Variants in RBMS1 observed in about 807,000 individuals in gnomAD.
RBMS1 encodes the protein RNA binding motif single stranded interacting protein 1.
RBMS1 carries 17 observed loss-of-function variants against 62.3 expected under a neutral mutation model. The observed-to-expected ratio is 0.27, with a 90% CI of 0.19 to 0.41. RBMS1 has a LOEUF of 0.41. RBMS1 is among the 10% of genes least tolerant of loss of function. The pLI is 1.00. For missense variants in RBMS1, 334 were observed against 504.5 expected, an observed-to-expected ratio of 0.66 and a Z score of 3.24; for synonymous variants, 172 against 170.0, an observed-to-expected ratio of 1.01 and a Z score of -0.09.
At chr2:160,446,838 G>T (rs1196462405) in intron 1 of RBMS1, among the ~76,000 whole-genome samples, 1 of 152,090 alleles carries the variant, frequency 6.6e-6, no homozygotes, top group Non-Finnish European at 1.5e-5. Flanking sequence ...TGCTTGCCTT[G>T]ACTTTTCTCT....
intron 1 of RBMS1, among the ~76,000 whole-genome samples, chr2:160,402,474 C>T (rs967525196): frequency 7.9e-5 from 12 of 152,244 alleles, no homozygotes; most frequent in East Asian, 1.9e-4. Context: ...TTCAAAAATG[C>T]AGTGTGATGA....
chr2:160,295,919 C>A (rs1688912416), intron 6 of RBMS1, among the ~76,000 whole-genome samples: 1 of 152,158 alleles, frequency 6.6e-6, no homozygotes, highest in South Asian at 2.1e-4. Context: ...CCTTGTTGCA[C>A]ACAAGAATGA....
chr2:160,308,046 G>C (rs1411310896), intron 4 of RBMS1, among the ~76,000 whole-genome samples: 1 of 152,122 alleles, frequency 6.6e-6, no homozygotes, highest in Non-Finnish European at 1.5e-5. Flanking sequence ...TAGTTCATTA[G>C]AGGAGAGTGG....
At chr2:160,284,225 G>A (rs566121736) in intron 9 of RBMS1, 1 of 153,820 alleles carries the variant, frequency 6.5e-6, no homozygotes, top group East Asian at 1.9e-4. Context: ...TTGTTGCTAA[G>A]TTGGGAATTT....
At chr2:160,428,353 A>G (rs980626910) in intron 1 of RBMS1, among the ~76,000 whole-genome samples, 1 of 152,228 alleles carries the variant, frequency 6.6e-6, no homozygotes, top group Non-Finnish European at 1.5e-5. Flanking sequence ...TCGAACTAAA[A>G]AGAGGTATTG....
chr2:160,384,420 A>C (rs1694461110), intron 1 of RBMS1, among the ~76,000 whole-genome samples: 1 of 152,186 alleles, frequency 6.6e-6, no homozygotes, highest in South Asian at 2.1e-4. Flanking sequence ...CCCTTCTTTT[A>C]ACCAACTTTA....
In RBMS1 at chr2:160,493,575, C is replaced by G. The variant is rs1281746700; in HGVS notation, c.-212G>C. ...CCTCCTCCTCCTCCTCCTCCTCTTC[C>G]TCCTCCTCCTCCTCCTCCCAGGCAG... On this transcript the variant is annotated 5_prime_UTR_variant, in exon 1 of 14. Coordinates refer to ENST00000348849, the MANE Select transcript of RBMS1 (RefSeq NM_016836.4). 4 of 420,104 alleles carry G rather than the reference C, an allele frequency of 9.5e-6. No individual in the cohort carries two copies. Among genetic ancestry groups the G allele is most frequent in the East Asian group, 4.1e-5 (1 of 24,648 alleles). 26.0% of individuals were successfully genotyped at this position (420,104 alleles called of 1,614,324 possible).
intron 2 of RBMS1, among the ~76,000 whole-genome samples, chr2:160,343,295 C>T (rs916787590): frequency 2.0e-5 from 3 of 152,152 alleles, no homozygotes; most frequent in African/African-American, 7.2e-5. Context: ...ATTTGCATTT[C>T]AGAAATTCTC....
intron 1 of RBMS1, among the ~76,000 whole-genome samples, chr2:160,437,615 A>G (rs1243383624): frequency 1.3e-5 from 2 of 152,250 alleles, no homozygotes; most frequent in Non-Finnish European, 2.9e-5. Flanking sequence ...CAGTATGTGA[A>G]TACGACACTT....
At chr2:160,388,847 T>C (rs190613277) in intron 1 of RBMS1, among the ~76,000 whole-genome samples, 9 of 152,358 alleles carry the variant, frequency 5.9e-5, no homozygotes, top group African/African-American at 1.9e-4. Flanking sequence ...ACAAACTTTA[T>C]TGGGATAAAC....
At chr2:160,442,650 C>T (rs1358830426) in intron 1 of RBMS1, among the ~76,000 whole-genome samples, 4 of 152,134 alleles carry the variant, frequency 2.6e-5, no homozygotes, top group Non-Finnish European at 5.9e-5. Context: ...TATAAAAAGA[C>T]TCTTAGGTTC....
rs1351459122 is a variant in RBMS1 at position 160,425,740 on chromosome 2, G to A, written c.76-58349C>T. 2.6e-5 allele frequency among the ~76,000 whole-genome samples: 4 copies of A among 152,280 alleles called. No individual in the cohort carries two copies. In the East Asian group the frequency reaches 7.7e-4, roughly 29 times the overall value. ...TCAAAACTCCTGCTCTTGATTTTGT[G>A]CCTTGAATGGAAAACTGTCATCCAA... On this transcript the variant is annotated intron_variant, in intron 1 of 13. Coordinates refer to ENST00000348849, the MANE Select transcript of RBMS1 (RefSeq NM_016836.4).
chr2:160,289,288 T>C (rs1046644289), intron 6 of RBMS1, among the ~76,000 whole-genome samples: 1 of 152,360 alleles, frequency 6.6e-6, no homozygotes, highest in Non-Finnish European at 1.5e-5. Flanking sequence ...TATGCTGTCA[T>C]TAAGCTATTT....
Position 160,285,023 on chromosome 2 carries a change from CGTAA to C in RBMS1, c.774_777del (p.Tyr259ThrfsTer23), listed in dbSNP as rs1688300631. On this transcript the variant is annotated frameshift_variant, in exon 8 of 14. Transcript: ENST00000348849. LOFTEE classifies it high-confidence loss of function. ...TTCTGTATAGCAGCTGTAGTTGGGT[CGTAA>C]GTAAGTGTCATTCCAGCCTATGGGA... The C allele has an allele frequency of 1.2e-6, 2 of 1,612,908 alleles. No homozygotes were observed. The highest frequency in any genetic ancestry group is 1.6e-4 in the Middle Eastern group (1 of 6,082).
At position 160,322,889 on chromosome 2, in the gene RBMS1, G is replaced by C. The variant is rs575282471; in HGVS notation, c.252-4662C>G. On this transcript the variant is annotated intron_variant, in intron 2 of 13. Transcript: ENST00000348849. ...TTTGATGTCATGACAAAAGAGCCAG[G>C]AAAGGTCCAGATCTAGAATATGAGG... 1.1e-4 allele frequency among the ~76,000 whole-genome samples: 17 copies of C among 152,286 alleles called. No homozygotes were observed. In the East Asian group the frequency reaches 3.1e-3, roughly 28 times the overall value.
intron 1 of RBMS1, among the ~76,000 whole-genome samples, chr2:160,457,471 A>C (rs768666456): frequency 3.9e-5 from 6 of 152,218 alleles, no homozygotes; most frequent in Non-Finnish European, 7.3e-5. Flanking sequence ...ACAGCTGGTA[A>C]GTAGCAGAGC....
intron 1 of RBMS1, among the ~76,000 whole-genome samples, chr2:160,447,024 T>G (rs531131446): frequency 1.3e-5 from 2 of 152,324 alleles, no homozygotes; most frequent in African/African-American, 4.8e-5. Context: ...AGCCTGAGAA[T>G]GCAAAGTAGA....
chr2:160,470,034 T>A (rs746090486), intron 1 of RBMS1, among the ~76,000 whole-genome samples: 4 of 152,204 alleles, frequency 2.6e-5, no homozygotes, highest in Admixed American at 1.3e-4. Context: ...TGCACAGATA[T>A]ATTTTTAAAC....
At chr2:160,437,687 G>A (rs572282236) in intron 1 of RBMS1, among the ~76,000 whole-genome samples, 2 of 152,196 alleles carry the variant, frequency 1.3e-5, no homozygotes, top group Admixed American at 6.5e-5. Flanking sequence ...TGCATCTTAA[G>A]AATGTATAAC....
Sources: allele counts gnomAD v4.1 joint callset (sites outside exome capture counted in the v4.1 genomes callset), GRCh38; gene constraint gnomAD v4.1.1; transcripts MANE v1.5; gene names NCBI Gene and HGNC (gene_info 2026-07-23, HGNC 2026-07-21).